The following RAP1A variants were observed in gnomAD, a reference collection of about 807,000 sequenced individuals.
RAP1A encodes RAP1A, member of RAS oncogene family.
In RAP1A, 6 loss-of-function variants were observed where a neutral mutation model predicts 26.4. The observed-to-expected ratio is 0.23, with a 90% CI of 0.12 to 0.45. The LOEUF is 0.45. Ranked by LOEUF, RAP1A falls within the 20% of genes least tolerant of loss-of-function variation. The probability of loss-of-function intolerance (pLI) is 0.99; values close to 1 mark genes in which losing one functional copy is unlikely to be tolerated. For synonymous variants in RAP1A, 73 were observed against 79.4 expected (o/e 0.92, Z 0.43); for missense variants, 121 against 217.2 (o/e 0.56, Z 2.78).
rs78632882 is a variant in RAP1A, at chr1:111,578,956, A to G, written c.-28+36447A>G. Among the ~76,000 whole-genome samples the G allele has an allele frequency of 3.7e-3, 565 of 152,342 alleles. 2 individuals are homozygous for G. Among genetic ancestry groups the G allele is most frequent in the African/African-American group, 0.013 (525 of 41,572 alleles). On this transcript the variant is annotated intron_variant, in intron 1 of 7. Coordinates refer to the RAP1A transcript ENST00000356415. ...CATTTACCAGCTTATTAACTGTTTT[A>G]CCAGTTTAGTACAAACGATATTACA...
intron 1 of RAP1A, among the ~76,000 whole-genome samples, chr1:111,689,837 C>T (rs991267643): frequency 7.9e-5 from 12 of 152,102 alleles, no homozygotes; most frequent in South Asian, 2.1e-4. Flanking sequence ...CCACCACGCC[C>T]GGCTAATTTT....
At chr1:111,674,485 GACC>G (rs889138437) in intron 1 of RAP1A, among the ~76,000 whole-genome samples, 3 of 152,016 alleles carry the variant, frequency 2.0e-5, no homozygotes, top group African/African-American at 7.2e-5. Context: ...CTACCATCTT[GACC>G]ACCATTGACT....
rs1571579090 is a variant in RAP1A at position 111,709,229 on chromosome 1, G to C, written c.549G>C (p.Leu183=). 2 of 1,610,664 alleles carry C rather than the reference G, an allele frequency of 1.2e-6. No homozygotes were observed. Among genetic ancestry groups the C allele is most frequent in the Non-Finnish European group, 1.7e-6 (2 of 1,179,126 alleles). The change falls in exon 7 of 8, where the codon CTG becomes CTC. Residue 183 remains leucine, a synonymous_variant. Coordinates refer to ENST00000369709, the MANE Select transcript of RAP1A (RefSeq NM_002884.4). ...KKKPKKKSCL[L]L ...AGCCTAAAAAGAAATCATGTCTGCT[G>C]CTCTAGGCCCATAGTCAGCAGCAGC...
At chr1:111,560,380 T>G (rs1308126721) in intron 1 of RAP1A, among the ~76,000 whole-genome samples, 1 of 151,916 alleles carries the variant, frequency 6.6e-6, no homozygotes, top group Non-Finnish European at 1.5e-5. Flanking sequence ...CAGGGGCTGA[T>G]ATTCACTAAG....
At chr1:111,587,944 AG>A (rs1410776523) in intron 1 of RAP1A, among the ~76,000 whole-genome samples, 99 of 152,186 alleles carry the variant, frequency 6.5e-4, no homozygotes, top group African/African-American at 2.3e-3. Flanking sequence ...ACAGAAAAAA[AG>A]TTTTTGCTTT....
chr1:111,711,685 G>C (rs1662390038), intron 7 of RAP1A, among the ~76,000 whole-genome samples: 1 of 152,174 alleles, frequency 6.6e-6, no homozygotes, highest in South Asian at 2.1e-4. Flanking sequence ...ACTTTTAAAA[G>C]TACTGAGATA....
intron 1 of RAP1A, among the ~76,000 whole-genome samples, chr1:111,543,680 A>G (rs1343496727): frequency 6.6e-6 from 1 of 151,214 alleles, no homozygotes; most frequent in East Asian, 1.9e-4. Context: ...AGGAAAAAGG[A>G]GAGGAGGAGG....
chr1:111,582,234 G>A (rs1454302555), intron 1 of RAP1A, among the ~76,000 whole-genome samples: 1 of 152,202 alleles, frequency 6.6e-6, no homozygotes, highest in African/African-American at 2.4e-5. Context: ...GTTTGGTGAG[G>A]CTATGTGACT....
chr1:111,613,152 GT>G (rs149014253), intron 1 of RAP1A, among the ~76,000 whole-genome samples: 22,834 of 142,636 alleles, frequency 0.16, 1,792 homozygotes, highest in African/African-American at 0.21. Context: ...AAAACGTAGG[GT>G]TTTTTTTTTT....
chr1:111,640,189 A>G (rs1044731886), intron 1 of RAP1A, among the ~76,000 whole-genome samples: 5 of 152,230 alleles, frequency 3.3e-5, no homozygotes, highest in African/African-American at 9.6e-5. Flanking sequence ...GACTGAAGCC[A>G]TATAAAAACT....
chr1:111,689,955 C>T (rs554730244), intron 1 of RAP1A, among the ~76,000 whole-genome samples: 3 of 152,330 alleles, frequency 2.0e-5, no homozygotes, highest in Non-Finnish European at 2.9e-5. Flanking sequence ...GGATTACAGG[C>T]GTGAGCCACT....
upstream of RAP1A, among the ~76,000 whole-genome samples, chr1:111,615,388 C>A (rs558965014): frequency 2.1e-4 from 32 of 151,832 alleles, no homozygotes; most frequent in Non-Finnish European, 3.7e-4. Context: ...TTAACCAATA[C>A]CTGACCTAGG....
chr1:111,565,944 G>T (rs1657908064), intron 1 of RAP1A, among the ~76,000 whole-genome samples: 1 of 151,958 alleles, frequency 6.6e-6, no homozygotes, highest in African/African-American at 2.4e-5. Context: ...CAAGGCAGAG[G>T]GTCTACATGT....
intron 1 of RAP1A, among the ~76,000 whole-genome samples, chr1:111,690,551 C>T (rs1661637070): frequency 6.6e-6 from 1 of 152,228 alleles, no homozygotes; most frequent in Non-Finnish European, 1.5e-5. Context: ...TTTTGCATCT[C>T]AGAAATCACA....
intron 1 of RAP1A, among the ~76,000 whole-genome samples, chr1:111,574,274 C>T (rs1658105629): frequency 1.3e-5 from 2 of 152,022 alleles, no homozygotes; most frequent in Non-Finnish European, 2.9e-5. Context: ...TGTAGGTGTG[C>T]GGCCTTATTT....
chr1:111,647,616 C>T (rs1244437701), intron 1 of RAP1A, among the ~76,000 whole-genome samples: 1 of 152,044 alleles, frequency 6.6e-6, no homozygotes, highest in Non-Finnish European at 1.5e-5. Flanking sequence ...AGATATTTAG[C>T]TAAAGCTCAA....
chr1:111,706,185 C>G (rs1340204625), intron 6 of RAP1A, among the ~76,000 whole-genome samples: 2 of 152,158 alleles, frequency 1.3e-5, no homozygotes, highest in Non-Finnish European at 2.9e-5. Context: ...GGAAAACATA[C>G]AAACTTTATG....
chr1:111,593,494 C>T (rs1310750720), intron 1 of RAP1A, among the ~76,000 whole-genome samples: 3 of 151,996 alleles, frequency 2.0e-5, no homozygotes, highest in South Asian at 4.2e-4. Flanking sequence ...TGGATCGCCA[C>T]CTCAAAGCTA....
At chr1:111,622,589 T>C (rs1258488105) in intron 1 of RAP1A, among the ~76,000 whole-genome samples, 2 of 152,256 alleles carry the variant, frequency 1.3e-5, no homozygotes, top group East Asian at 3.8e-4. Context: ...TAGGTTATAC[T>C]GATTTTGACA....
Sources: gnomAD v4.1 joint callset for allele counts (sites outside exome capture counted in the v4.1 genomes callset) on GRCh38, gnomAD v4.1.1 for gene constraint, MANE v1.5 for transcripts, NCBI Gene and HGNC (gene_info 2026-07-23, HGNC 2026-07-21) for gene names.